CCDC149: variants seen among roughly 807,000 people sequenced by gnomAD.
CCDC149 encodes the protein coiled-coil domain containing 149, also known as coiled-coil domain-containing protein 149.
A neutral mutation model predicts 59.9 loss-of-function variants in CCDC149; 45 were observed. The ratio of observed to expected loss-of-function variants is 0.75; its 90% CI spans 0.59 to 0.96. The LOEUF is 0.96. CCDC149 is among the 40% of genes least tolerant of loss of function. The pLI is 0.00. For missense variants in CCDC149, 584 were observed against 664.7 expected, an observed-to-expected ratio of 0.88 and a Z score of 1.33; for synonymous variants, 245 against 260.6, an observed-to-expected ratio of 0.94 and a Z score of 0.58.
chr4:24,958,336 T>A (rs931090484), intron 1 of CCDC149, among the ~76,000 whole-genome samples: 24 of 152,184 alleles, frequency 1.6e-4, no homozygotes, highest in African/African-American at 5.3e-4. Context: ...TTCTAGATGG[T>A]TTGCCTTTCT....
At position 24,837,226 on chromosome 4, in the gene CCDC149, G is replaced by C; in HGVS notation, c.662+2C>G. ...CGCACAGGCCTGGGCCTGGCCACTT[G>C]CCTGTTCTCCATACACAGGGCGTCC... On this transcript the variant is annotated splice_donor_variant, in intron 6 of 12. Transcript: ENST00000635206. LOFTEE classifies it high-confidence loss of function. This position sits in a 1 kb window ranked among gnomAD's most constrained non-coding sequence, Gnocchi z 4.3. 6.2e-7 allele frequency: 1 copy of C among 1,614,058 alleles called. No individual in the cohort carries two copies. Among genetic ancestry groups the C allele is most frequent in the Non-Finnish European group, 8.5e-7 (1 of 1,179,962 alleles).
chr4:24,932,972 G>A (rs1181033635), intron 1 of CCDC149, among the ~76,000 whole-genome samples: 1 of 152,118 alleles, frequency 6.6e-6, no homozygotes, highest in African/African-American at 2.4e-5. Context: ...AGAAATCACA[G>A]CAAACCTATT....
chr4:24,819,113 C>G (rs1390470194), intron 12 of CCDC149, among the ~76,000 whole-genome samples: 2 of 152,254 alleles, frequency 1.3e-5, no homozygotes, highest in Non-Finnish European at 2.9e-5. Flanking sequence ...AACTGTCTAT[C>G]TGGTAAAGCA....
intron 4 of CCDC149, among the ~76,000 whole-genome samples, chr4:24,844,768 T>C (rs1317294641): frequency 6.6e-6 from 1 of 151,002 alleles, no homozygotes; most frequent in Non-Finnish European, 1.5e-5. Flanking sequence ...CGAGACTCCA[T>C]CTCAAAATAA....
chr4:24,848,397 C>T (rs888991977), intron 4 of CCDC149, among the ~76,000 whole-genome samples: 10 of 152,014 alleles, frequency 6.6e-5, no homozygotes, highest in African/African-American at 1.9e-4. Context: ...GGTAAATCTC[C>T]GTCTCTACTA....
At chr4:24,924,385 C>A (rs546207932) in intron 1 of CCDC149, among the ~76,000 whole-genome samples, 1 of 152,168 alleles carries the variant, frequency 6.6e-6, no homozygotes, top group East Asian at 1.9e-4. Flanking sequence ...TGAAACGTCA[C>A]GTTATGTTCA....
At position 24,932,327 on chromosome 4, in the gene CCDC149, AG is replaced by A. The variant is rs879522174; in HGVS notation, c.-64-37210del. ...AGTTTCAGCACTGCCAGATTGCTCC[AG>A]CTGTACCAGGAATCACTTTAGGAGA... On this transcript the variant is annotated intron_variant, in intron 1 of 12. Coordinates refer to the CCDC149 transcript ENST00000389609. Among the ~76,000 whole-genome samples the A allele has an allele frequency of 2.3e-4, 35 of 152,334 alleles. 1 individual carries two copies. The highest frequency in any genetic ancestry group is 1.2e-3 in the Admixed American group (18 of 15,302).
At chr4:24,809,228 T>A (rs1577370194) in intron 12 of CCDC149, among the ~76,000 whole-genome samples, 1 of 152,136 alleles carries the variant, frequency 6.6e-6, no homozygotes, top group Non-Finnish European at 1.5e-5. Flanking sequence ...GCATTGAGGG[T>A]GGGAAGAAGA....
intron 1 of CCDC149, among the ~76,000 whole-genome samples, chr4:24,894,614 TAAG>T (rs1362065872): frequency 2.6e-5 from 4 of 152,034 alleles, no homozygotes; most frequent in South Asian, 2.1e-4. Context: ...CTCTCCTCTT[TAAG>T]AAGAAGTTGA....
intron 3 of CCDC149, among the ~76,000 whole-genome samples, chr4:24,871,398 T>C (rs896791373): frequency 2.6e-5 from 4 of 152,102 alleles, no homozygotes; most frequent in Non-Finnish European, 5.9e-5. Flanking sequence ...AGAGAGCAAA[T>C]CATTCCTGGG....
At chr4:24,906,586 C>T (rs4697498) in intron 1 of CCDC149, among the ~76,000 whole-genome samples, 20,920 of 151,148 alleles carry the variant, frequency 0.14, 1,552 homozygotes, top group East Asian at 0.21. Flanking sequence ...TTAGTAGAGA[C>T]GAGGTTTTGC....
intron 4 of CCDC149, among the ~76,000 whole-genome samples, chr4:24,842,323 G>A (rs569138772): frequency 1.3e-5 from 2 of 152,258 alleles, no homozygotes; most frequent in East Asian, 1.9e-4. Context: ...AGAAGCCCAC[G>A]AGGGAAGTCC....
chr4:24,853,219 G>A (rs1234173525), intron 3 of CCDC149, 40 bp from the exon 4 acceptor site: 5 of 1,453,544 alleles, frequency 3.4e-6, no homozygotes, highest in African/African-American at 1.4e-5. Flanking sequence ...ATCAGAAATG[G>A]AGGAGTGGAT....
chr4:24,924,246 G>GA lies in CCDC149; in HGVS notation c.-64-29129dup, dbSNP rs57456696. On this transcript the variant is annotated intron_variant, in intron 1 of 12. Transcript: ENST00000389609. ...ATCAGATATTCAAGTCTTTATAGCT[G>GA]AAAAAAAAAAAAAAGGATCTTGGAA... is the stretch of plus-strand genomic sequence containing the variant. Among the ~76,000 whole-genome samples the GA allele has an allele frequency of 8.5e-3, 1,068 of 125,292 alleles. 7 individuals are homozygous for GA. The highest frequency in any genetic ancestry group is 0.025 in the African/African-American group (842 of 34,060). The allele number at this position is 125,292 out of a possible 152,430, so 82.2% of individuals were successfully genotyped here. A position where few individuals can be genotyped will look rare whatever the true frequency, so the allele number is the denominator to read the frequency against.
Sources: allele counts gnomAD v4.1 joint callset (sites outside exome capture counted in the v4.1 genomes callset), GRCh38; gene constraint gnomAD v4.1.1; non-coding constraint Gnocchi (gnomAD v3.1); transcripts MANE v1.5; gene names NCBI Gene and HGNC (gene_info 2026-07-23, HGNC 2026-07-21).